The following C5 variants were observed in gnomAD, a reference collection of about 807,000 sequenced individuals.
C5 encodes C3 and PZP-like alpha-2-macroglobulin domain-containing protein 4.
In C5, 140 loss-of-function variants were observed where a neutral mutation model predicts 218.8. That is an observed-to-expected ratio of 0.64 (90% CI 0.56 to 0.74). The LOEUF is 0.74. Among genes scored for constraint, C5 ranks in the 30% least tolerant of loss-of-function variants. The pLI, the probability that C5 is intolerant of heterozygous loss-of-function variation, is 0.00. For missense variants in C5, 1,700 were observed against 1,969.6 expected, an observed-to-expected ratio of 0.86 and a Z score of 2.59; for synonymous variants, 614 against 682.3, an observed-to-expected ratio of 0.90 and a Z score of 1.56.
chr9:121,017,289 T>C (rs2047315560), intron 14 of C5, 73 bp downstream of exon 14: 1 of 1,563,232 alleles, frequency 6.4e-7, no homozygotes, highest in South Asian at 1.1e-5. Context: ...AGTCTTCCCT[T>C]AGTTCTTCCT....
the C5 span, among the ~76,000 whole-genome samples, chr9:121,073,359 C>T: frequency 6.6e-6 from 1 of 152,210 alleles, no homozygotes; most frequent in African/African-American, 2.4e-5. Flanking sequence ...CTTGCCTAAA[C>T]TCTTCTTTTG....
chr9:121,066,411 A>C, the C5 span, among the ~76,000 whole-genome samples: 1 of 152,254 alleles, frequency 6.6e-6, no homozygotes, highest in South Asian at 2.1e-4. Flanking sequence ...AAGTACTGAC[A>C]AAATTCAAGC....
intron 25 of C5, among the ~76,000 whole-genome samples, chr9:120,986,793 G>T (rs771296695): frequency 4.6e-5 from 7 of 152,092 alleles, no homozygotes; most frequent in Admixed American, 1.3e-4. Flanking sequence ...TTTTATTAAA[G>T]ACAGGGTCTC....
rs760848110 is a variant in C5, at chr9:121,015,209, T to C, written c.2049A>G (p.Ile683Met). 8 of 1,604,094 alleles carry C rather than the reference T, an allele frequency of 5.0e-6. No homozygotes were observed. In the South Asian group the frequency reaches 8.8e-5, roughly 18 times the overall value. ...LRPRRTLQKK[I>M]EEIAAKYKHS... ...TGAATCTTACAGTACCTATTTCTTC[T>C]ATCTTCTTTTGCAGCGTTCTTCTTG... is the stretch of plus-strand genomic sequence containing the variant. The change falls in exon 16 of 41, where the codon ATA becomes ATG. Residue 683 changes from isoleucine (I) to methionine (M), a missense_variant. Transcript: ENST00000223642.
At chr9:121,055,335 T>C in the C5 span, among the ~76,000 whole-genome samples, 113,891 of 151,810 alleles carry the variant, frequency 0.75, 43,105 homozygotes, top group East Asian at 0.96. Flanking sequence ...AGCAAGTCCT[T>C]GGGCAAGGTC....
chr9:120,969,030 T>C (rs763687160), intron 33 of C5, 31 bp downstream of exon 33: 1 of 1,582,358 alleles, frequency 6.3e-7, no homozygotes, highest in Admixed American at 1.7e-5. Flanking sequence ...GAACTTGGAG[T>C]CTATGCTCCC....
At chr9:121,037,859 T>C (rs1587996011) in intron 4 of C5, 22 bp downstream of exon 4, 3 of 1,132,076 alleles carry the variant, frequency 2.7e-6, no homozygotes, top group Admixed American at 4.0e-5. Flanking sequence ...TAAAGTATTA[T>C]TTAAATAAAT....
At chr9:121,044,871 G>T (rs1014016106) in intron 2 of C5, among the ~76,000 whole-genome samples, 1 of 149,616 alleles carries the variant, frequency 6.7e-6, no homozygotes, top group Admixed American at 6.7e-5. Flanking sequence ...AGTTAAATTT[G>T]TTTGATTTAA....
intron 20 of C5, among the ~76,000 whole-genome samples, chr9:121,002,298 G>GTGTGTATATATATA (rs2047175883): frequency 1.0e-5 from 1 of 100,100 alleles, no homozygotes; most frequent in African/African-American, 3.6e-5. Context: ...ATGTATATAT[G>GTGTGTATATATATA]TATATATATA....
At chr9:121,070,384 GAT>G in the C5 span, among the ~76,000 whole-genome samples, 1,568 of 72,498 alleles carry the variant, frequency 0.022, 15 homozygotes, top group African/African-American at 0.03. Flanking sequence ...AAGGAAGGGT[GAT>G]ATATATATAT....
intron 23 of C5, among the ~76,000 whole-genome samples, chr9:120,990,223 TCAAA>T (rs2047067266): frequency 1.3e-5 from 2 of 152,216 alleles, no homozygotes; most frequent in Non-Finnish European, 1.5e-5. Context: ...TTGCACATGA[TCAAA>T]AAGATCCTTT....
intron 40 of C5, among the ~76,000 whole-genome samples, 181 bp from the exon 41 acceptor site, chr9:120,953,049 G>A (rs547422563): frequency 2.0e-4 from 30 of 152,196 alleles, no homozygotes; most frequent in Non-Finnish European, 3.5e-4. Flanking sequence ...TCAGCCTCCC[G>A]AGTAGCTGGG....
At chr9:121,023,331 G>A (rs1402019817) in intron 10 of C5, 73 bp downstream of exon 10, 4 of 949,386 alleles carry the variant, frequency 4.2e-6, no homozygotes, top group Non-Finnish European at 6.9e-6. Context: ...TACCCTGTTT[G>A]CCACCCACAT....
At chr9:121,009,405 A>G (rs776332704) in intron 17 of C5, among the ~76,000 whole-genome samples, 2 of 152,216 alleles carry the variant, frequency 1.3e-5, no homozygotes, top group African/African-American at 2.4e-5. Context: ...AGAGGAATAC[A>G]AGCAGAGCCT....
chr9:121,023,409 T>TGG lies in C5; in HGVS notation c.1109_1110dup (p.Ile371ProfsTer14). On this transcript the variant is annotated frameshift_variant, in exon 10 of 41. Transcript: ENST00000223642. LOFTEE classifies it high-confidence loss of function. ...TACCCCCTCACCCAATCTACCTTGA[T>TGG]GGGATATGGAATCCCAGGCTTCAGG... 1 of 1,589,628 alleles carries TGG rather than the reference T, an allele frequency of 6.3e-7. No individual in the cohort carries two copies. The highest frequency in any genetic ancestry group is 1.1e-5 in the South Asian group (1 of 90,568).
rs753946376 is a variant in C5 at position 120,996,275 on chromosome 9, T to G, written c.2816A>C (p.Tyr939Ser). 3.1e-6 allele frequency: 5 copies of G among 1,612,490 alleles called. No homozygotes were observed. The highest frequency in any genetic ancestry group is 4.2e-6 in the Non-Finnish European group (5 of 1,178,698). ...VVPEGVKRES[Y>S]SGVTLDPRGI... ...CCTAGGATCCAAAGTAACACCAGAA[T>G]AGCTTTCCCTTTTGACACCTTCTGG... is the stretch of plus-strand genomic sequence containing the variant. The change falls in exon 22 of 41, where the codon TAT (tyrosine) becomes TCT (serine). Residue 939 changes from tyrosine to serine, a missense_variant. By Grantham distance (144) the Tyr-to-Ser change is moderately radical (BLOSUM62 -2). Coordinates refer to ENST00000223642, the MANE Select transcript of C5 (RefSeq NM_001735.3).
chr9:120,971,179 A>G (rs944653496), intron 31 of C5, among the ~76,000 whole-genome samples: 1 of 151,184 alleles, frequency 6.6e-6, no homozygotes, highest in Non-Finnish European at 1.5e-5. Context: ...CTCAAAAAAA[A>G]AAAAAAAAAG....
chr9:121,025,603 G>A lies in C5; in HGVS notation c.874-23C>T, dbSNP rs547804287. 230 of 1,607,972 alleles carry A rather than the reference G, an allele frequency of 1.4e-4. 2 individuals carry two copies. In the South Asian group the frequency reaches 1.5e-3, roughly 10 times the overall value. The stretch of plus-strand genomic sequence containing the variant: ...CAACTTTTTAAAAGGAGAAAAAGGA[G>A]GAGTTATTTCGGAGAAGAACTTATA... On this transcript the variant is annotated intron_variant, in intron 8 of 40. Coordinates refer to ENST00000223642, the MANE Select transcript of C5 (RefSeq NM_001735.3).
chr9:120,999,638 C>T (rs1017783932), intron 20 of C5: 6 of 229,872 alleles, frequency 2.6e-5, no homozygotes, highest in Admixed American at 5.4e-5. Context: ...CACACACACA[C>T]GAAAAATCTT....
Sources: gnomAD v4.1 joint callset for allele counts (sites outside exome capture counted in the v4.1 genomes callset) on GRCh38, gnomAD v4.1.1 for gene constraint, MANE v1.5 for transcripts, NCBI Gene and HGNC (gene_info 2026-07-23, HGNC 2026-07-21) for gene names.